The following ELFN2 variants were observed in gnomAD, a reference collection of about 807,000 sequenced individuals.
The protein encoded by ELFN2 is extracellular leucine rich repeat and fibronectin type III domain containing 2.
ELFN2 carries 17 observed loss-of-function variants against 45.5 expected under a neutral mutation model. The observed-to-expected ratio is 0.37, with a 90% CI of 0.26 to 0.56. The LOEUF is 0.56. Ranked by LOEUF, ELFN2 falls within the 20% of genes least tolerant of loss-of-function variation. The pLI is 0.77. For synonymous variants in ELFN2, 550 were observed against 551.5 expected, an observed-to-expected ratio of 1.00 and a Z score of 0.04; for missense variants, 922 against 1,183.2, an observed-to-expected ratio of 0.78 and a Z score of 3.24.
intron 2 of ELFN2, among the ~76,000 whole-genome samples, chr22:37,390,002 C>T (rs766284090): frequency 2.6e-5 from 4 of 152,154 alleles, no homozygotes; most frequent in African/African-American, 4.8e-5. Flanking sequence ...AAGGAGCCCA[C>T]GGGCCCTGGG....
intron 2 of ELFN2, among the ~76,000 whole-genome samples, chr22:37,396,504 C>A (rs1932215035): frequency 6.6e-6 from 1 of 152,196 alleles, no homozygotes. Flanking sequence ...ACTTTCAGAC[C>A]CTCTGGGGCA....
Position 37,410,560 on chromosome 22 carries a change from A to C in ELFN2, c.-463+7209T>G, listed in dbSNP as rs542184422. 7.9e-5 allele frequency among the ~76,000 whole-genome samples: 12 copies of C among 152,232 alleles called. No individual in the cohort carries two copies. In the South Asian group the frequency reaches 2.5e-3, roughly 32 times the overall value. On this transcript the variant is annotated intron_variant, in intron 2 of 2. Transcript: ENST00000402918. The stretch of plus-strand genomic sequence containing the variant: ...TCCAGGTCAGCTGCCATCTCAGCCC[A>C]GCCAGGAACTCACTCCCAAAGCCCC...
chr22:37,383,112 G>A (rs370777377), intron 2 of ELFN2, among the ~76,000 whole-genome samples: 3 of 152,256 alleles, frequency 2.0e-5, no homozygotes, highest in East Asian at 3.9e-4. Flanking sequence ...ACAGCTGCCC[G>A]GGTCATGCTT....
intron 2 of ELFN2, among the ~76,000 whole-genome samples, chr22:37,396,231 T>A (rs984163133): frequency 6.6e-6 from 1 of 152,194 alleles, no homozygotes; most frequent in Non-Finnish European, 1.5e-5. Context: ...CAATTCCCCA[T>A]CAAAAGCTTG....
At position 37,373,246 on chromosome 22, in the gene ELFN2, G is replaced by A. The variant is rs755047462; in HGVS notation, c.2289C>T (p.Ser763=). 48 of 1,613,780 alleles carry A rather than the reference G, an allele frequency of 3.0e-5. No homozygotes were observed. The highest frequency in any genetic ancestry group is 8.0e-5 in the African/African-American group (6 of 74,936). ...SGYSSSPEYS[S]ESTHKIWERF... The stretch of plus-strand genomic sequence containing the variant: ...GCTCCCAGATCTTGTGCGTGCTCTC[G>A]GATGAGTACTCGGGGCTGGAGGAGT... The change falls in exon 3 of 3, where the codon TCC becomes TCT. Residue 763 remains serine (S), a synonymous_variant. Coordinates refer to ENST00000402918, the MANE Select transcript of ELFN2 (RefSeq NM_052906.5).
At chr22:37,389,589 A>T (rs1026439108) in intron 2 of ELFN2, among the ~76,000 whole-genome samples, 34 of 152,002 alleles carry the variant, frequency 2.2e-4, no homozygotes, top group Non-Finnish European at 4.0e-4. Flanking sequence ...TGGGTCCTAG[A>T]GATCATCTCC....
At chr22:37,365,339 C>T (rs1175424152), downstream of ELFN2, among the ~76,000 whole-genome samples, 1 of 152,158 alleles carries the variant, frequency 6.6e-6, no homozygotes, top group Non-Finnish European at 1.5e-5. Flanking sequence ...AAGGAAGTTC[C>T]TGGCCCAGTA....
rs747373294 is a variant in ELFN2 at position 37,375,089 on chromosome 22, T to C, written c.446A>G (p.Glu149Gly). Reference protein sequence around the residue: ...IEVVTPTAFSECPSLISIDLS... With the variant: ...IEVVTPTAFSGCPSLISIDLS... ...GTCGATGCTGATGAGGCTCGGGCAC[T>C]CGGAGAAGGCGGTGGGCGTCACCAC... Residue 149 changes from glutamate (E) to glycine (G), a missense_variant, in exon 3 of 3, where the codon GAG becomes GGG. By Grantham distance (98) the Glu-to-Gly change is moderately conservative. Around this residue, in one of 2 missense-constraint regions of ELFN2, gnomAD observed 358 missense variants for 540.4 expected, o/e 0.66. Coordinates refer to ENST00000402918, the MANE Select transcript of ELFN2 (RefSeq NM_052906.5). 1.9e-6 allele frequency: 3 copies of C among 1,613,606 alleles called. No homozygotes were observed. The Admixed American group carries it at 5.0e-5, about 27-fold the overall frequency.
chr22:37,361,435 C>G (rs1204700974), intron 1 of ELFN2, among the ~76,000 whole-genome samples: 1 of 151,794 alleles, frequency 6.6e-6, no homozygotes, highest in Non-Finnish European at 1.5e-5. Flanking sequence ...ACTCCTGGGC[C>G]CAAGTGACGC....
chr22:37,346,916 C>T (rs1323535210), intron 1 of ELFN2, among the ~76,000 whole-genome samples: 4 of 152,256 alleles, frequency 2.6e-5, no homozygotes, highest in Admixed American at 6.5e-5. Context: ...TCTCTCCACC[C>T]CCAGCTCTCT....
At chr22:37,348,730 G>T (rs1930752952) in intron 1 of ELFN2, among the ~76,000 whole-genome samples, 1 of 150,858 alleles carries the variant, frequency 6.6e-6, no homozygotes, top group Non-Finnish European at 1.5e-5. Context: ...ACCAATCTGT[G>T]TCCTATCTGA....
At chr22:37,365,362 A>C (rs768546800), downstream of ELFN2, among the ~76,000 whole-genome samples, 3 of 152,196 alleles carry the variant, frequency 2.0e-5, no homozygotes, top group Non-Finnish European at 4.4e-5. Context: ...TACAAGGGTC[A>C]CCAGAGTCAC....
intron 2 of ELFN2, among the ~76,000 whole-genome samples, chr22:37,411,199 A>G (rs984760802): frequency 9.2e-5 from 14 of 152,174 alleles, no homozygotes; most frequent in Non-Finnish European, 1.6e-4. Flanking sequence ...AGCTGGGCCC[A>G]TGGGCCTGAT....
downstream of ELFN2, among the ~76,000 whole-genome samples, chr22:37,363,679 A>G (rs909281529): frequency 2.6e-5 from 4 of 152,200 alleles, no homozygotes; most frequent in East Asian, 1.9e-4. Context: ...CCGGGCCTCA[A>G]CTGGAGGTTG....
rs138855230 is a variant in ELFN2 at position 37,373,819 on chromosome 22, G to A, written c.1716C>T (p.Pro572=). 5.6e-6 allele frequency: 9 copies of A among 1,612,532 alleles called. No individual in the cohort carries two copies. Among genetic ancestry groups the A allele is most frequent in the African/African-American group, 2.7e-5 (2 of 74,936 alleles). Residue 572 remains proline (P), a synonymous_variant, in exon 3 of 3, where the codon CCC becomes CCT. Transcript: ENST00000402918. ...FLGGGSSSGD[P]ELAFECQSLP... Reference sequence around the variant, plus strand: ...GGGACTGGCACTCGAAGGCCAGCTCGGGGTCCCCACTGCTGCTGCCGCCTC... The same window carrying A: ...GGGACTGGCACTCGAAGGCCAGCTCAGGGTCCCCACTGCTGCTGCCGCCTC...
At chr22:37,410,660 G>A (rs915001923) in intron 2 of ELFN2, among the ~76,000 whole-genome samples, 1 of 152,190 alleles carries the variant, frequency 6.6e-6, no homozygotes, top group Non-Finnish European at 1.5e-5. Context: ...CCGCAGGCGT[G>A]GATACTGCTG....
At position 37,374,344 on chromosome 22, in the gene ELFN2, G is replaced by A. The variant is rs370212097; in HGVS notation, c.1191C>T (p.Tyr397=). The A allele has an allele frequency of 1.2e-6, 2 of 1,614,092 alleles. No individual in the cohort carries two copies. The highest frequency in any genetic ancestry group is 1.7e-6 in the Non-Finnish European group (2 of 1,180,040). ...AGAGGCAGCCCAGGATGGTCATGATGTAGTGGGTGGTGGTGGAGGTGCTGG... is the reference window on the plus strand; with the variant it reads ...AGAGGCAGCCCAGGATGGTCATGATATAGTGGGTGGTGGTGGAGGTGCTGG... The part of the protein sequence containing the change: ...LAPSTSTTTH[Y]IMTILGCLFG... Residue 397 remains tyrosine, a synonymous_variant, in exon 3 of 3, where the codon TAC becomes TAT. Transcript: ENST00000402918.
intron 1 of ELFN2, among the ~76,000 whole-genome samples, chr22:37,423,417 G>A (rs1932825238): frequency 6.6e-6 from 1 of 152,326 alleles, no homozygotes; most frequent in African/African-American, 2.4e-5. Flanking sequence ...AGATGTAGAG[G>A]CCTCCAGGCC....
chr22:37,341,138 G>A (rs1199955325), intron 2 of ELFN2: 1 of 152,502 alleles, frequency 6.6e-6, no homozygotes, highest in Non-Finnish European at 1.5e-5. Flanking sequence ...GCAGCCAGGG[G>A]GCAGGGGTCA....
Sources: allele counts gnomAD v4.1 joint callset (sites outside exome capture counted in the v4.1 genomes callset), GRCh38; gene constraint gnomAD v4.1.1; regional missense constraint gnomAD v4.1.1; transcripts MANE v1.5; gene names NCBI Gene and HGNC (gene_info 2026-07-23, HGNC 2026-07-21).